Variants in MTMR6 observed in about 807,000 individuals in gnomAD.
MTMR6 encodes myotubularin related protein 6.
Under a neutral mutation model 80.1 loss-of-function variants are expected in MTMR6, and 47 were observed. That is an observed-to-expected ratio of 0.59 (90% CI 0.46 to 0.75). The LOEUF is 0.75. Ranked by LOEUF, MTMR6 falls within the 30% of genes least tolerant of loss-of-function variation. The pLI, the probability that MTMR6 is intolerant of heterozygous loss-of-function variation, is 0.00. For synonymous variants in MTMR6, 254 were observed against 253.0 expected (o/e 1.00, Z -0.04); for missense variants, 629 against 730.9 (o/e 0.86, Z 1.61).
intron 2 of MTMR6, among the ~76,000 whole-genome samples, chr13:25,268,668 C>T (rs17082070): frequency 0.12 from 18,952 of 152,214 alleles, 1,584 homozygotes; most frequent in African/African-American, 0.23. Flanking sequence ...TTTTCCTTCA[C>T]AGTGAAGGCC....
chr13:25,260,190 C>T (rs1441462027), intron 6 of MTMR6, among the ~76,000 whole-genome samples: 16 of 141,790 alleles, frequency 1.1e-4, no homozygotes, highest in Middle Eastern at 4.6e-3. Flanking sequence ...TTTTTTGAGA[C>T]GGAGTTTCGC....
rs1956988957 is a variant in MTMR6 at position 25,246,830 on chromosome 13, C to T, written c.*2402G>A. 6.6e-6 allele frequency: 1 copy of T among 152,478 alleles called. No individual in the cohort carries two copies. Among genetic ancestry groups the T allele is most frequent in the South Asian group, 2.1e-4 (1 of 4,828 alleles). The allele number at this position is 152,478 out of a possible 1,614,324, so 9.4% of individuals were successfully genotyped here. On this transcript the variant is annotated 3_prime_UTR_variant, in exon 14 of 14. Transcript: ENST00000381801. ...CTGAGCTACTTCTAGCCTAGCTGAC[C>T]TTTTCAAAACACCCTCAATAAAATT...
intron 1 of MTMR6, among the ~76,000 whole-genome samples, chr13:25,284,023 T>C (rs1957910325): frequency 1.3e-5 from 2 of 152,188 alleles, no homozygotes; most frequent in South Asian, 2.1e-4. Flanking sequence ...GATAAATATG[T>C]TCATTAGTAT....
chr13:25,262,693 G>T (rs1957366245), intron 5 of MTMR6, among the ~76,000 whole-genome samples: 1 of 152,126 alleles, frequency 6.6e-6, no homozygotes, highest in Admixed American at 6.6e-5. Context: ...CCTAAAAAAA[G>T]ATTTAAAAGA....
chr13:25,261,060 T>C (rs1019728893), intron 6 of MTMR6, among the ~76,000 whole-genome samples: 7 of 151,974 alleles, frequency 4.6e-5, no homozygotes, highest in South Asian at 2.1e-4. Flanking sequence ...TCTCAACACT[T>C]TGGGAGGCCA....
chr13:25,250,820 G>A (rs1210347483), intron 13 of MTMR6, among the ~76,000 whole-genome samples: 2 of 152,102 alleles, frequency 1.3e-5, no homozygotes, highest in Non-Finnish European at 1.5e-5. Flanking sequence ...GCAGAGTGAA[G>A]GGTATATTGG....
chr13:25,267,440 C>T (rs1957483201), intron 3 of MTMR6, among the ~76,000 whole-genome samples: 1 of 152,098 alleles, frequency 6.6e-6, no homozygotes, highest in Non-Finnish European at 1.5e-5. Flanking sequence ...ATATCAACTT[C>T]CAAGTCATTC....
At position 25,258,593 on chromosome 13, in the gene MTMR6, C is replaced by A; in HGVS notation, c.826G>T (p.Val276Phe). 6.3e-7 allele frequency: 1 copy of A among 1,596,462 alleles called. No individual in the cohort carries two copies. The highest frequency in any genetic ancestry group is 1.1e-5 in the South Asian group (1 of 87,066). Residue 276 changes from valine (V) to phenylalanine (F), a missense_variant, in exon 7 of 14, where the codon GTC (valine) becomes TTC (phenylalanine). Transcript: ENST00000381801. ...AATTTCTGAAGGCTGGACCTCATGACATGAATATTTTCAATTCCAACAAAC... is the reference window on the plus strand; with the variant it reads ...AATTTCTGAAGGCTGGACCTCATGAAATGAATATTTTCAATTCCAACAAAC... ...FQFVGIENIH[V>F]MRSSLQKLLE...
At position 25,265,834 on chromosome 13, in the gene MTMR6, A is replaced by G; in HGVS notation, c.576T>C (p.Tyr192=). 1 of 1,613,622 alleles carries G rather than the reference A, an allele frequency of 6.2e-7. No homozygotes were observed. Among genetic ancestry groups the G allele is most frequent in the Non-Finnish European group, 8.5e-7 (1 of 1,179,580 alleles). The change falls in exon 5 of 14, where the codon TAT becomes TAC. Residue 192 remains tyrosine (Y), a synonymous_variant. Transcript: ENST00000381801. ...SKGRFPVLSY[Y]HQDKEAAICR... is the part of the protein sequence containing the mutation. Reference sequence around the variant, plus strand: ...AGCATCCTACCTCCTTATCTTGATGATAGTAGGAAAGAACTGGGAATCTTC... The same window carrying G: ...AGCATCCTACCTCCTTATCTTGATGGTAGTAGGAAAGAACTGGGAATCTTC...
chr13:25,263,371 A>C (rs1957380856), intron 5 of MTMR6, among the ~76,000 whole-genome samples: 1 of 152,222 alleles, frequency 6.6e-6, no homozygotes, highest in Non-Finnish European at 1.5e-5. Context: ...AGTTTATTCC[A>C]TGATAAGGAT....
chr13:25,287,182 A>T, intron 1 of MTMR6, 42 bp downstream of exon 1: 1 of 1,581,214 alleles, frequency 6.3e-7, no homozygotes, highest in Non-Finnish European at 8.6e-7. Context: ...CAGCCGGGTC[A>T]GAGCAGGGCC....
intron 1 of MTMR6, among the ~76,000 whole-genome samples, chr13:25,285,233 T>G (rs1957930940): frequency 6.6e-6 from 1 of 152,126 alleles, no homozygotes; most frequent in Admixed American, 6.5e-5. Context: ...AAAACAAAGA[T>G]ATATATTCAT....
chr13:25,287,190 G>T, intron 1 of MTMR6, 34 bp downstream of exon 1: 3 of 1,587,056 alleles, frequency 1.9e-6, no homozygotes. Context: ...TCAGAGCAGG[G>T]CCCCTGAAGA....
chr13:25,267,081 C>G (rs1957473599), intron 3 of MTMR6, among the ~76,000 whole-genome samples: 1 of 151,986 alleles, frequency 6.6e-6, no homozygotes, highest in African/African-American at 2.4e-5. Context: ...AACCCCGTCT[C>G]TTCTAAAAAT....
In MTMR6 at chr13:25,274,189, T is replaced by A. The variant is rs1225855595; in HGVS notation, c.25-2A>T. 1.3e-6 allele frequency: 2 copies of A among 1,566,272 alleles called. No homozygotes were observed. The highest frequency in any genetic ancestry group is 1.7e-6 in the Non-Finnish European group (2 of 1,145,502). On this transcript the variant is annotated splice_acceptor_variant, in intron 1 of 13. Coordinates refer to ENST00000381801, the MANE Select transcript of MTMR6 (RefSeq NM_004685.5). LOFTEE classifies it high-confidence loss of function. ...GTCAAGTAATTTTACTTGTTCGACCTAAAAGAAAAAAAGATATTATTTCTC... is the reference window on the plus strand; with the variant it reads ...GTCAAGTAATTTTACTTGTTCGACCAAAAAGAAAAAAAGATATTATTTCTC...
At chr13:25,254,934 C>A (rs1957166035) in intron 9 of MTMR6, among the ~76,000 whole-genome samples, 1 of 151,998 alleles carries the variant, frequency 6.6e-6, no homozygotes, top group African/African-American at 2.4e-5. Flanking sequence ...TTAATCAAAT[C>A]ATCTTACTTG....
chr13:25,252,421 G>A (rs1957111604), intron 11 of MTMR6, among the ~76,000 whole-genome samples: 1 of 152,068 alleles, frequency 6.6e-6, no homozygotes, highest in East Asian at 1.9e-4. Context: ...AGTGTGAGTG[G>A]GTACAAAAAG....
chr13:25,251,624 A>T lies in MTMR6; in HGVS notation c.1605+25T>A. 1 of 1,442,220 alleles carries T rather than the reference A, an allele frequency of 6.9e-7. No homozygotes were observed. The highest frequency in any genetic ancestry group is 9.6e-7 in the Non-Finnish European group (1 of 1,044,724). The allele number at this position is 1,442,220 out of a possible 1,614,324, so 89.3% of individuals were successfully genotyped here. A position where few individuals can be genotyped will look rare whatever the true frequency, so the allele number is the denominator to read the frequency against. On this transcript the variant is annotated intron_variant, in intron 13 of 13. Transcript: ENST00000381801. The surrounding 1 kb of genome is among the most constrained non-coding windows in gnomAD (Gnocchi z 4.1). ...CGTAAACTAATTTCACATTCCAAATATATTAGATACTTCAGAATACTTACA... is the reference window on the plus strand; with the variant it reads ...CGTAAACTAATTTCACATTCCAAATTTATTAGATACTTCAGAATACTTACA...
At chr13:25,257,095 C>T (rs1957225784) in intron 9 of MTMR6, 101 bp downstream of exon 9, 1 of 1,241,070 alleles carries the variant, frequency 8.1e-7, no homozygotes, top group Non-Finnish European at 1.1e-6. Context: ...CTCATCATTT[C>T]CTTTAGTGCA....
Sources: allele counts gnomAD v4.1 joint callset (sites outside exome capture counted in the v4.1 genomes callset), GRCh38; gene constraint gnomAD v4.1.1; non-coding constraint Gnocchi (gnomAD v3.1); transcripts MANE v1.5; gene names NCBI Gene and HGNC (gene_info 2026-07-23, HGNC 2026-07-21).